Variants in KDM4C observed in about 807,000 individuals in gnomAD.
KDM4C encodes lysine-specific demethylase 4C.
In KDM4C, 81 loss-of-function variants were observed where a neutral mutation model predicts 129.3. That is an observed-to-expected ratio of 0.63 (90% confidence interval 0.52 to 0.75). The LOEUF (loss-of-function observed/expected upper bound fraction) is 0.75. KDM4C is among the 30% of genes least tolerant of loss of function. The pLI is 0.00. For missense variants in KDM4C, 1,457 were observed against 1,304.0 expected (o/e 1.12, Z -1.81); for synonymous variants, 573 against 456.1 (o/e 1.26, Z -3.26).
chr9:6,827,043 G>C (rs1309000252), intron 4 of KDM4C, among the ~76,000 whole-genome samples: 1 of 152,140 alleles, frequency 6.6e-6, no homozygotes, highest in East Asian at 1.9e-4. Context: ...AGTCCACAGT[G>C]GGTGGCCAGA....
intron 1 of KDM4C, among the ~76,000 whole-genome samples, chr9:6,792,248 C>G (rs1343841365): frequency 2.6e-5 from 4 of 151,620 alleles, no homozygotes; most frequent in Non-Finnish European, 5.9e-5. Flanking sequence ...GAGGCTGAGG[C>G]AGGAAAATCG....
At position 6,888,006 on chromosome 9, in the gene KDM4C, C is replaced by T. The variant is rs371479313; in HGVS notation, c.726C>T (p.His242=). Reference sequence around the variant, plus strand: ...AAGGGTGTGATGCATTTCTTCGCCACAAGATGACATTGATTTCTCCATCAG... The same window carrying T: ...AAGGGTGTGATGCATTTCTTCGCCATAAGATGACATTGATTTCTCCATCAG... ...SSQGCDAFLR[H]KMTLISPSVL... Residue 242 remains histidine (H), a synonymous_variant, in exon 7 of 22, where the codon CAC becomes CAT. Coordinates refer to ENST00000381309, the MANE Select transcript of KDM4C (RefSeq NM_015061.6). 2.9e-5 allele frequency: 46 copies of T among 1,611,912 alleles called. No individual in the cohort carries two copies. Among genetic ancestry groups the T allele is most frequent in the Non-Finnish European group, 3.2e-5 (38 of 1,178,514 alleles).
intron 8 of KDM4C, among the ~76,000 whole-genome samples, chr9:6,960,341 A>T (rs1302160401): frequency 6.7e-6 from 1 of 148,312 alleles, no homozygotes. Context: ...GTACAGTGGC[A>T]TAATCATAGC....
At chr9:7,168,607 T>C (rs1382500970) in intron 20 of KDM4C, among the ~76,000 whole-genome samples, 1 of 151,686 alleles carries the variant, frequency 6.6e-6, no homozygotes, top group African/African-American at 2.4e-5. Context: ...TTGTTTTAGA[T>C]GATGATGTAT....
At chr9:6,759,293 C>A (rs1453645659) in intron 1 of KDM4C, among the ~76,000 whole-genome samples, 1 of 152,164 alleles carries the variant, frequency 6.6e-6, no homozygotes, top group Admixed American at 6.6e-5. Flanking sequence ...TGTCTAAATT[C>A]CGGGCAGCTT....
chr9:6,876,364 A>T (rs574537447), intron 5 of KDM4C, among the ~76,000 whole-genome samples: 1 of 152,248 alleles, frequency 6.6e-6, no homozygotes, highest in Non-Finnish European at 1.5e-5. Context: ...GACAGTGTAT[A>T]ATGAGCTCCT....
intron 8 of KDM4C, among the ~76,000 whole-genome samples, chr9:6,969,166 C>A (rs1831510112): frequency 6.6e-6 from 1 of 152,190 alleles, no homozygotes; most frequent in African/African-American, 2.4e-5. Flanking sequence ...GAACTCCTGA[C>A]CTCAAGTGAT....
At chr9:7,042,282 A>T (rs1828730049) in intron 15 of KDM4C, among the ~76,000 whole-genome samples, 2 of 152,030 alleles carry the variant, frequency 1.3e-5, no homozygotes, top group Admixed American at 1.3e-4. Flanking sequence ...TATATTAAAC[A>T]TTGTGATATG....
At chr9:7,145,834 G>A (rs570957187) in intron 19 of KDM4C, among the ~76,000 whole-genome samples, 1 of 152,360 alleles carries the variant, frequency 6.6e-6, no homozygotes, top group East Asian at 1.9e-4. Context: ...TCATTTCTCA[G>A]TCATGGGGCA....
At chr9:7,077,497 C>G (rs1834059057) in intron 17 of KDM4C, among the ~76,000 whole-genome samples, 1 of 152,214 alleles carries the variant, frequency 6.6e-6, no homozygotes, top group Non-Finnish European at 1.5e-5. Flanking sequence ...TCCAACAACT[C>G]TTTCATATTG....
At chr9:6,973,372 T>G (rs979832747) in intron 8 of KDM4C, among the ~76,000 whole-genome samples, 1 of 152,132 alleles carries the variant, frequency 6.6e-6, no homozygotes, top group African/African-American at 2.4e-5. Context: ...CATTAGAAAA[T>G]CAAATAGACT....
chr9:6,761,518 C>T (rs1005016335), intron 1 of KDM4C, among the ~76,000 whole-genome samples: 1 of 151,926 alleles, frequency 6.6e-6, no homozygotes, highest in East Asian at 2.0e-4. Context: ...TGTGGTCTTG[C>T]CATGGTACCC....
chr9:6,786,132 A>G (rs1191358409), intron 1 of KDM4C, among the ~76,000 whole-genome samples: 2 of 121,048 alleles, frequency 1.7e-5, no homozygotes, highest in East Asian at 2.2e-4. Context: ...GTTGTTTAAG[A>G]GAATACAAGT....
At chr9:7,047,596 T>A (rs1002145632) in intron 16 of KDM4C, among the ~76,000 whole-genome samples, 5 of 151,948 alleles carry the variant, frequency 3.3e-5, no homozygotes, top group Admixed American at 2.6e-4. Flanking sequence ...AATAGAGACA[T>A]GTCAAAATAA....
Position 7,074,021 on chromosome 9 carries a change from A to G in KDM4C, c.2424+24821A>G, listed in dbSNP as rs370309797. ...GACAGCTTTTAAAAAAGACAGTTCT[A>G]GACAGGAATTTGCTATCTAAAGAAC... On this transcript the variant is annotated intron_variant, in intron 17 of 21. Transcript: ENST00000381309. Among the ~76,000 whole-genome samples, 21 of 152,354 alleles carry G rather than the reference A, an allele frequency of 1.4e-4. No homozygotes were observed. In the South Asian group the frequency reaches 4.3e-3, roughly 32 times the overall value.
intron 8 of KDM4C, among the ~76,000 whole-genome samples, chr9:6,919,683 C>G (rs1821119435): frequency 6.6e-6 from 1 of 151,780 alleles, no homozygotes; most frequent in Non-Finnish European, 1.5e-5. Flanking sequence ...TCAAGTGATT[C>G]TCTTGCTTCA....
intron 4 of KDM4C, among the ~76,000 whole-genome samples, chr9:6,825,536 T>A (rs1432962072): frequency 6.6e-6 from 1 of 152,212 alleles, no homozygotes; most frequent in Non-Finnish European, 1.5e-5. Context: ...TCAGAGACAG[T>A]GATTCTCAAA....
intron 8 of KDM4C, among the ~76,000 whole-genome samples, chr9:6,963,078 T>G (rs970670058): frequency 6.6e-6 from 1 of 152,232 alleles, no homozygotes; most frequent in African/African-American, 2.4e-5. Flanking sequence ...ACTTAATCTT[T>G]CTGTGCATTG....
chr9:7,053,716 A>G (rs568456860), intron 17 of KDM4C, among the ~76,000 whole-genome samples: 1 of 152,234 alleles, frequency 6.6e-6, no homozygotes, highest in Non-Finnish European at 1.5e-5. Flanking sequence ...ATCCAGTTAA[A>G]TTTGTTCTTT....
Sources: allele counts gnomAD v4.1 joint callset (sites outside exome capture counted in the v4.1 genomes callset), GRCh38; gene constraint gnomAD v4.1.1; transcripts MANE v1.5; gene names NCBI Gene and HGNC (gene_info 2026-07-23, HGNC 2026-07-21).